The following FANCL variants were observed in gnomAD, a reference collection of about 807,000 sequenced individuals.
FANCL encodes the protein FA complementation group L.
A neutral mutation model predicts 59.4 loss-of-function variants in FANCL; 69 were observed. The ratio of observed to expected loss-of-function variants is 1.16; its 90% CI spans 0.96 to 1.42. The LOEUF (loss-of-function observed/expected upper bound fraction) is 1.42. FANCL is among the 40% of genes most tolerant of loss of function. The probability of loss-of-function intolerance (pLI) is 0.00; values close to 1 mark genes in which losing one functional copy is unlikely to be tolerated. For synonymous variants in FANCL, 180 were observed against 147.1 expected (o/e 1.22, Z -1.62); for missense variants, 519 against 447.2 (o/e 1.16, Z -1.45).
At chr2:58,238,778 A>C (rs1694251775) in intron 1 of FANCL, among the ~76,000 whole-genome samples, 1 of 152,178 alleles carries the variant, frequency 6.6e-6, no homozygotes, top group Non-Finnish European at 1.5e-5. Context: ...AAATTTTTAC[A>C]ACCTATTAAG....
chr2:58,212,213 C>T (rs148294330), intron 5 of FANCL, among the ~76,000 whole-genome samples: 160 of 152,302 alleles, frequency 1.1e-3, no homozygotes, highest in Middle Eastern at 3.4e-3. Flanking sequence ...TCCCATCTTA[C>T]ATGGATGGCA....
At chr2:58,226,276 A>G (rs1178503970) in intron 4 of FANCL, among the ~76,000 whole-genome samples, 1 of 152,198 alleles carries the variant, frequency 6.6e-6, no homozygotes, top group African/African-American at 2.4e-5. Flanking sequence ...TAAACTGAAT[A>G]ATCAAGTATT....
intron 7 of FANCL, among the ~76,000 whole-genome samples, chr2:58,195,401 A>C (rs1163685167): frequency 6.6e-6 from 1 of 152,170 alleles, no homozygotes; most frequent in Non-Finnish European, 1.5e-5. Flanking sequence ...CAACCCGCAC[A>C]AATGAAGAAG....
chr2:58,169,907 A>G (rs1244696783), intron 7 of FANCL, among the ~76,000 whole-genome samples: 1 of 152,190 alleles, frequency 6.6e-6, no homozygotes, highest in African/African-American at 2.4e-5. Flanking sequence ...GACTATGTGA[A>G]AAGACCAAAC....
At chr2:58,211,487 A>T (rs558312702) in intron 5 of FANCL, among the ~76,000 whole-genome samples, 39 of 152,170 alleles carry the variant, frequency 2.6e-4, no homozygotes, top group African/African-American at 8.4e-4. Context: ...CATTTTCCCC[A>T]TTATCTTGGG....
At chr2:58,213,454 A>C (rs1691383532) in intron 5 of FANCL, 1 of 152,252 alleles carries the variant, frequency 6.6e-6, no homozygotes, top group South Asian at 2.1e-4. Flanking sequence ...GGATTAACAC[A>C]AACAGAATTA....
At chr2:58,219,156 AAAAAAAAAAAAAAAAATATATATAT>A (rs1212590387) in intron 5 of FANCL, among the ~76,000 whole-genome samples, 49 of 93,110 alleles carry the variant, frequency 5.3e-4, no homozygotes, top group African/African-American at 3.0e-3. Context: ...AAAAAAAAAA[AAAAAAAAAAAAAAAAATATATATAT>A]ATATATATAT....
intron 7 of FANCL, among the ~76,000 whole-genome samples, chr2:58,173,675 C>A (rs1307571294): frequency 1.3e-5 from 2 of 152,250 alleles, no homozygotes; most frequent in East Asian, 3.9e-4. Flanking sequence ...CCAGCCGCTG[C>A]AAAATCATGC....
intron 7 of FANCL, among the ~76,000 whole-genome samples, chr2:58,179,606 A>G (rs1687718524): frequency 6.6e-6 from 1 of 152,210 alleles, no homozygotes; most frequent in Non-Finnish European, 1.5e-5. Context: ...AAAGACTTAA[A>G]CATAAGACCT....
intron 5 of FANCL, among the ~76,000 whole-genome samples, chr2:58,208,482 G>A (rs1690806911): frequency 6.6e-6 from 1 of 152,156 alleles, no homozygotes; most frequent in African/African-American, 2.4e-5. Context: ...ATAGCTGAAT[G>A]TCAACAAGTA....
intron 6 of FANCL, 28 bp downstream of exon 6, chr2:58,204,102 C>A: frequency 1.3e-6 from 2 of 1,541,196 alleles, no homozygotes; most frequent in South Asian, 2.2e-5. Context: ...ATTTTCTGAT[C>A]ACAATAACAG....
At chr2:58,212,631 C>CTA (rs1332608774) in intron 5 of FANCL, among the ~76,000 whole-genome samples, 2 of 152,046 alleles carry the variant, frequency 1.3e-5, no homozygotes, top group African/African-American at 4.8e-5. Flanking sequence ...TTGTTAAACA[C>CTA]AAAGGACTGT....
intron 3 of FANCL, among the ~76,000 whole-genome samples, chr2:58,228,772 T>C (rs544845795): frequency 3.5e-4 from 54 of 152,278 alleles, no homozygotes; most frequent in South Asian, 1.5e-3. Flanking sequence ...ACCTAACCAA[T>C]TGGGGGGCAA....
In FANCL at chr2:58,161,560, G is replaced by A. The variant is rs776298788; in HGVS notation, c.982C>T (p.Gln328Ter). The A allele has an allele frequency of 1.9e-6, 3 of 1,611,012 alleles. No homozygotes were observed. The South Asian group carries it at 3.3e-5, about 18-fold the overall frequency. Residue 328 changes from glutamine (Q) to a stop codon, truncating the protein, a stop_gained, in exon 12 of 14, where the codon CAG becomes TAG. Transcript: ENST00000233741. LOFTEE classifies it high-confidence loss of function. ...ATTTGATGGAAAGGTTGTCCACACT[G>A]AGAATTATCACACACTTGATCAGGA... ...TIPDQVCDNS[Q>*]CGQPFHQICL...
intron 5 of FANCL, among the ~76,000 whole-genome samples, chr2:58,220,886 T>C (rs1177660640): frequency 6.6e-6 from 1 of 152,166 alleles, no homozygotes; most frequent in Non-Finnish European, 1.5e-5. Flanking sequence ...AAATAATAAA[T>C]GAATACTAAA....
intron 12 of FANCL, among the ~76,000 whole-genome samples, chr2:58,160,714 C>G (rs1377659855): frequency 6.6e-6 from 1 of 151,904 alleles, no homozygotes; most frequent in Non-Finnish European, 1.5e-5. Context: ...ATCACATGTT[C>G]CCTTAGAGTA....
chr2:58,203,657 AC>A (rs1690281976), intron 6 of FANCL, among the ~76,000 whole-genome samples: 1 of 151,934 alleles, frequency 6.6e-6, no homozygotes. Flanking sequence ...TACTTAAAAA[AC>A]CCCAGCCAAA....
At chr2:58,162,985 GTA>G in intron 10 of FANCL, 38 bp from the exon 11 acceptor site, 1 of 1,611,750 alleles carries the variant, frequency 6.2e-7, no homozygotes, top group East Asian at 2.2e-5. Context: ...TGTGAACTTT[GTA>G]AAATCACCAA....
At position 58,179,025 on chromosome 2, in the gene FANCL, G is replaced by C. The variant is rs188258536; in HGVS notation, c.541-13151C>G. 2.6e-5 allele frequency among the ~76,000 whole-genome samples: 4 copies of C among 152,194 alleles called. 1 individual carries two copies. Among genetic ancestry groups the C allele is most frequent in the East Asian group, 3.9e-4 (2 of 5,176 alleles). On this transcript the variant is annotated intron_variant, in intron 7 of 13. Transcript: ENST00000233741. ...AAATACCTAGGAATCCAACTTACAAGGGATGTGAAGGACCTCTTGAAGGAG... is the reference window on the plus strand; with the variant it reads ...AAATACCTAGGAATCCAACTTACAACGGATGTGAAGGACCTCTTGAAGGAG...
Sources: allele counts gnomAD v4.1 joint callset (sites outside exome capture counted in the v4.1 genomes callset), GRCh38; gene constraint gnomAD v4.1.1; transcripts MANE v1.5; gene names NCBI Gene and HGNC (gene_info 2026-07-23, HGNC 2026-07-21).